The following KAZN variants were observed in gnomAD, a reference collection of about 807,000 sequenced individuals.
KAZN encodes the protein kazrin.
In KAZN, 40 loss-of-function variants were observed where a neutral mutation model predicts 87.4. The observed-to-expected ratio is 0.46, with a 90% confidence interval of 0.36 to 0.60. The LOEUF is 0.60. Ranked by LOEUF, KAZN falls within the 20% of genes least tolerant of loss-of-function variation. The probability of loss-of-function intolerance (pLI) is 0.00; values close to 1 mark genes in which losing one functional copy is unlikely to be tolerated. For missense variants in KAZN, 898 were observed against 1,073.9 expected (o/e 0.84, Z 2.29); for synonymous variants, 466 against 458.3 (o/e 1.02, Z -0.22).
At chr1:14,388,752 G>T (rs1662168837) in intron 2 of KAZN, among the ~76,000 whole-genome samples, 1 of 152,086 alleles carries the variant, frequency 6.6e-6, no homozygotes, top group South Asian at 2.1e-4. Flanking sequence ...ACTACTAAAA[G>T]AAAACATTAG....
At chr1:14,783,273 A>T (rs746705560) in intron 1 of KAZN, among the ~76,000 whole-genome samples, 36 of 152,164 alleles carry the variant, frequency 2.4e-4, no homozygotes, top group Non-Finnish European at 4.4e-4. Context: ...TCATGCAGGA[A>T]TTCATCCTAA....
At chr1:15,102,874 C>T (rs72873812) in intron 11 of KAZN, among the ~76,000 whole-genome samples, 6 of 152,292 alleles carry the variant, frequency 3.9e-5, no homozygotes, top group South Asian at 2.1e-4. Flanking sequence ...CATGCCACGC[C>T]GAGGACAGGG....
chr1:14,324,519 A>G (rs1007801155), intron 2 of KAZN, among the ~76,000 whole-genome samples: 2 of 152,164 alleles, frequency 1.3e-5, no homozygotes, highest in South Asian at 4.1e-4. Context: ...AAGGTGGTAA[A>G]TGTTACCTTG....
chr1:14,881,998 TG>T (rs1653390687), intron 1 of KAZN, among the ~76,000 whole-genome samples: 1 of 152,186 alleles, frequency 6.6e-6, no homozygotes, highest in African/African-American at 2.4e-5. Flanking sequence ...GCTGGTACTC[TG>T]TAAATACCTG....
intron 1 of KAZN, among the ~76,000 whole-genome samples, chr1:14,894,470 A>C (rs1655047025): frequency 2.0e-5 from 3 of 152,216 alleles, no homozygotes; most frequent in African/African-American, 4.8e-5. Context: ...GGAAGACTGA[A>C]TGTGTTAGGG....
intron 1 of KAZN, among the ~76,000 whole-genome samples, chr1:13,956,688 G>A (rs546105925): frequency 6.6e-6 from 1 of 152,006 alleles, no homozygotes; most frequent in African/African-American, 2.4e-5. Context: ...GCATATGCTT[G>A]GAGCATGATA....
At chr1:15,088,690 A>G (rs1023786593) in intron 8 of KAZN, among the ~76,000 whole-genome samples, 4 of 151,696 alleles carry the variant, frequency 2.6e-5, no homozygotes, top group African/African-American at 9.7e-5. Flanking sequence ...GCCTTTAATT[A>G]ATGGTTTATG....
At chr1:15,060,361 G>T (rs886312182) in intron 6 of KAZN, 59 bp downstream of exon 6, 7 of 1,602,780 alleles carry the variant, frequency 4.4e-6, no homozygotes, top group African/African-American at 2.7e-5. Context: ...CTGCAGGGGC[G>T]GGGGTGGCGG....
intron 1 of KAZN, among the ~76,000 whole-genome samples, chr1:14,647,650 C>T (rs373210465): frequency 4.1e-4 from 63 of 152,236 alleles, no homozygotes; most frequent in African/African-American, 1.4e-3. Context: ...TAATTGTTAC[C>T]GTGTGGGAAT....
At chr1:14,055,809 A>G (rs72861223) in intron 1 of KAZN, among the ~76,000 whole-genome samples, 3,332 of 152,280 alleles carry the variant, frequency 0.022, 112 homozygotes, top group African/African-American at 0.075. Flanking sequence ...ATTATTGTTT[A>G]CAACAGAAAA....
At chr1:14,742,993 A>G (rs1487834982) in intron 1 of KAZN, among the ~76,000 whole-genome samples, 1 of 152,166 alleles carries the variant, frequency 6.6e-6, no homozygotes, top group African/African-American at 2.4e-5. Flanking sequence ...GACCCATAAG[A>G]TGTGCCGCCT....
At position 14,151,519 on chromosome 1, in the gene KAZN, C is replaced by T. The variant is rs188460790; in HGVS notation, c.92-28916C>T. On this transcript the variant is annotated intron_variant, in intron 1 of 16. Coordinates refer to the KAZN transcript ENST00000636203. ...TAATTAAGTTAAGGAATTGGTTGAACTACTATTTACTGTGTCTCCAGCTCT... is the reference window on the plus strand; with the variant it reads ...TAATTAAGTTAAGGAATTGGTTGAATTACTATTTACTGTGTCTCCAGCTCT... Among the ~76,000 whole-genome samples, 5 of 152,258 alleles carry T rather than the reference C, an allele frequency of 3.3e-5. No individual in the cohort carries two copies. The East Asian group carries it at 7.7e-4, about 24-fold the overall frequency.
intron 1 of KAZN, among the ~76,000 whole-genome samples, chr1:14,675,794 G>A (rs1293759780): frequency 1.3e-5 from 2 of 152,188 alleles, no homozygotes; most frequent in Non-Finnish European, 2.9e-5. Context: ...GAGAAATGGG[G>A]ACTTTGGGGG....
At chr1:14,784,739 A>T (rs1366504280) in intron 1 of KAZN, among the ~76,000 whole-genome samples, 1 of 152,198 alleles carries the variant, frequency 6.6e-6, no homozygotes, top group Admixed American at 6.5e-5. Flanking sequence ...GGCCTGGGCA[A>T]CAGAGCAAGA....
chr1:15,111,271 T>TTG (rs55891519), intron 13 of KAZN, among the ~76,000 whole-genome samples: 27,243 of 147,306 alleles, frequency 0.18, 2,582 homozygotes, highest in South Asian at 0.32. Flanking sequence ...GTTGTTGTTG[T>TTG]TTGTTGTTGT....
intron 2 of KAZN, among the ~76,000 whole-genome samples, chr1:14,537,087 T>C (rs1571885729): frequency 6.6e-6 from 1 of 152,190 alleles, no homozygotes; most frequent in African/African-American, 2.4e-5. Context: ...CAGTAAATAT[T>C]TGTTGAGTGA....
intron 1 of KAZN, among the ~76,000 whole-genome samples, chr1:14,148,686 A>T (rs1645404411): frequency 6.6e-6 from 1 of 152,176 alleles, no homozygotes; most frequent in Admixed American, 6.5e-5. Context: ...TGGTCTGTTT[A>T]TACTCAAGAA....
At chr1:14,731,209 A>AAGAGGC (rs1643663406) in intron 1 of KAZN, among the ~76,000 whole-genome samples, 1 of 152,240 alleles carries the variant, frequency 6.6e-6, no homozygotes, top group Non-Finnish European at 1.5e-5. Context: ...CGAGTAATTA[A>AAGAGGC]AGAGGCTGCT....
chr1:13,936,096 G>GTTTTTTTTTTTTT (rs70984301), intron 1 of KAZN, among the ~76,000 whole-genome samples: 1,050 of 84,620 alleles, frequency 0.012, 132 homozygotes, highest in Middle Eastern at 0.032. Flanking sequence ...TACAAGTGCA[G>GTTTTTTTTTTTTT]TTTTTTTTTT....
Sources: allele counts gnomAD v4.1 joint callset (sites outside exome capture counted in the v4.1 genomes callset), GRCh38; gene constraint gnomAD v4.1.1; transcripts MANE v1.5; gene names NCBI Gene and HGNC (gene_info 2026-07-23, HGNC 2026-07-21).